The following SGPP1 variants were observed in gnomAD, a reference collection of about 807,000 sequenced individuals.
The protein encoded by SGPP1 is hSPP1.
A neutral mutation model predicts 33.0 loss-of-function variants in SGPP1; 21 were observed. The ratio of observed to expected loss-of-function variants is 0.64; its 90% confidence interval spans 0.45 to 0.92. The LOEUF is 0.92. Among genes scored for constraint, SGPP1 ranks in the 40% least tolerant of loss-of-function variants. The pLI, the probability that SGPP1 is intolerant of heterozygous loss-of-function variation, is 0.00. For missense variants in SGPP1, 543 were observed against 589.4 expected, an observed-to-expected ratio of 0.92 and a Z score of 0.81; for synonymous variants, 239 against 241.2, an observed-to-expected ratio of 0.99 and a Z score of 0.08.
rs774125790 is a variant in SGPP1, at chr14:63,686,434, A to G, written c.997T>C (p.Ser333Pro). The change falls in exon 3 of 3, where the codon TCT becomes CCT. Residue 333 changes from serine to proline, a missense_variant. Physicochemically the swap from Ser to Pro is moderately conservative, Grantham distance 74. Transcript: ENST00000247225. ...LGSGAGIACG[S>P]HVTYNMGLVL... ...AGACCCATGTTATAAGTAACATGAGATCCACATGCAATTCCAGCACCACTT... is the reference window on the plus strand; with the variant it reads ...AGACCCATGTTATAAGTAACATGAGGTCCACATGCAATTCCAGCACCACTT... 1 of 1,614,136 alleles carries G rather than the reference A, an allele frequency of 6.2e-7. No individual in the cohort carries two copies. Among genetic ancestry groups the G allele is most frequent in the Admixed American group, 1.7e-5 (1 of 60,014 alleles).
chr14:63,712,539 G>C (rs1167713431), intron 1 of SGPP1, among the ~76,000 whole-genome samples: 1 of 152,188 alleles, frequency 6.6e-6, no homozygotes, highest in Non-Finnish European at 1.5e-5. Context: ...TTTTCTAAAA[G>C]TAGCTGCAAA....
intron 1 of SGPP1, among the ~76,000 whole-genome samples, chr14:63,720,384 G>C (rs930325139): frequency 6.6e-6 from 1 of 152,084 alleles, no homozygotes; most frequent in South Asian, 2.1e-4. Context: ...GGAGGGAGGG[G>C]AAGGAAGGTC....
Position 63,727,440 on chromosome 14 carries a change from G to C in SGPP1, c.505C>G (p.Leu169Val). 3 of 1,614,090 alleles carry C rather than the reference G, an allele frequency of 1.9e-6. No homozygotes were observed. Among genetic ancestry groups the C allele is most frequent in the African/African-American group, 1.3e-5 (1 of 75,048 alleles). The change falls in exon 1 of 3, where the codon CTG becomes GTG. Residue 169 changes from leucine (L) to valine (V), a missense_variant. Transcript: ENST00000247225. ...VGRRLVVIWVLVMYLGQCTKD... is the reference protein window; with the variant it reads ...VGRRLVVIWVVVMYLGQCTKD... The stretch of plus-strand genomic sequence containing the variant: ...GTGCACTGGCCCAGGTACATGACCA[G>C]CACCCAGATGACCACGAGCCTCCGG...
In SGPP1 at chr14:63,728,041, T is replaced by G; in HGVS notation, c.-97A>C. ...CGGCAGCGGAACCGGCACAGCGCTC[T>G]ACCCTCCGGAGTCTGCCGGGTGACG... On this transcript the variant is annotated 5_prime_UTR_variant, in exon 1 of 3. Coordinates refer to ENST00000247225, the MANE Select transcript of SGPP1 (RefSeq NM_030791.4). 5.6e-6 allele frequency: 7 copies of G among 1,254,216 alleles called. No homozygotes were observed. The highest frequency in any genetic ancestry group is 3.2e-5 in the East Asian group (1 of 31,272). The allele number at this position is 1,254,216 out of a possible 1,614,324, so 77.7% of individuals were successfully genotyped here.
chr14:63,703,399 A>G (rs1026901208), intron 1 of SGPP1, among the ~76,000 whole-genome samples: 2 of 152,132 alleles, frequency 1.3e-5, no homozygotes, highest in Non-Finnish European at 2.9e-5. Flanking sequence ...TCATGCCTAT[A>G]ATCCCAGCAC....
At chr14:63,700,975 G>A (rs1885285521) in intron 1 of SGPP1, among the ~76,000 whole-genome samples, 1 of 151,996 alleles carries the variant, frequency 6.6e-6, no homozygotes, top group Non-Finnish European at 1.5e-5. Context: ...TAATGGATTT[G>A]TAACACAAGA....
intron 1 of SGPP1, among the ~76,000 whole-genome samples, chr14:63,719,173 C>T (rs1432907151): frequency 2.0e-5 from 3 of 150,184 alleles, no homozygotes; most frequent in Non-Finnish European, 4.4e-5. Context: ...ATTACAGGTG[C>T]TTGTCACCAC....
At chr14:63,718,997 T>TATAC (rs1885698649) in intron 1 of SGPP1, among the ~76,000 whole-genome samples, 2 of 22,436 alleles carry the variant, frequency 8.9e-5, no homozygotes, top group Admixed American at 6.9e-4. Flanking sequence ...TATATATATA[T>TATAC]ATATATATAT....
At chr14:63,725,323 G>A (rs549259914) in intron 1 of SGPP1, among the ~76,000 whole-genome samples, 5 of 152,288 alleles carry the variant, frequency 3.3e-5, no homozygotes, top group Admixed American at 2.6e-4. Context: ...GCAGTGAGCC[G>A]AGACTGCACC....
chr14:63,701,392 T>A (rs1020983190), intron 1 of SGPP1, among the ~76,000 whole-genome samples: 1 of 152,140 alleles, frequency 6.6e-6, no homozygotes, highest in Non-Finnish European at 1.5e-5. Context: ...AATAGGGTCA[T>A]GAGTTTCAGA....
At position 63,727,937 on chromosome 14, in the gene SGPP1, A is replaced by T. The variant is rs868217453; in HGVS notation, c.8T>A (p.Leu3Gln). 1 of 1,545,154 alleles carries T rather than the reference A, an allele frequency of 6.5e-7. No individual in the cohort carries two copies. The highest frequency in any genetic ancestry group is 2.5e-5 in the East Asian group (1 of 40,006). Residue 3 changes from leucine to glutamine, a missense_variant, in exon 1 of 3, where the codon CTG (leucine) becomes CAG (glutamine). Physicochemically the swap from Leu to Gln is moderately radical, Grantham distance 113 (BLOSUM62 -2). Transcript: ENST00000247225. MS[L>Q]RQRLAQLVGR... The stretch of plus-strand genomic sequence containing the variant: ...AACCAGCTGGGCCAGGCGCTGCCTC[A>T]GCGACATGATAACGGAACCCCCGGG...
chr14:63,709,795 T>G (rs947155797), intron 1 of SGPP1, among the ~76,000 whole-genome samples: 1 of 152,210 alleles, frequency 6.6e-6, no homozygotes, highest in African/African-American at 2.4e-5. Context: ...TTCATACCAC[T>G]ATCTAATCTT....
At chr14:63,713,616 T>C (rs554014659) in intron 1 of SGPP1, among the ~76,000 whole-genome samples, 22 of 152,258 alleles carry the variant, frequency 1.4e-4, no homozygotes, top group Admixed American at 6.5e-4. Context: ...AAACCCAAAA[T>C]ATTAAAATCC....
intron 2 of SGPP1, among the ~76,000 whole-genome samples, chr14:63,687,353 T>C (rs1293059922): frequency 1.3e-5 from 2 of 152,134 alleles, no homozygotes; most frequent in Admixed American, 1.3e-4. Context: ...GGCATGAGAA[T>C]CGCTTGAACC....
chr14:63,706,651 G>T (rs529551084), intron 1 of SGPP1, among the ~76,000 whole-genome samples: 1 of 152,248 alleles, frequency 6.6e-6, no homozygotes, highest in South Asian at 2.1e-4. Flanking sequence ...ATGAAAACAT[G>T]TGTCAAACGC....
At chr14:63,695,792 T>G (rs1371196158) in intron 2 of SGPP1, among the ~76,000 whole-genome samples, 1 of 152,122 alleles carries the variant, frequency 6.6e-6, no homozygotes, top group African/African-American at 2.4e-5. Flanking sequence ...ATGTTTGTAG[T>G]CCTAGACACC....
chr14:63,689,157 A>G lies in SGPP1; in HGVS notation c.775-2501T>C, dbSNP rs538977810. On this transcript the variant is annotated intron_variant, in intron 2 of 2. Transcript: ENST00000247225. ...CAGTATATATGAAACTATAAAATTC[A>G]TATCTATGAAATCACTTCCCAACAA... 1.1e-4 allele frequency among the ~76,000 whole-genome samples: 17 copies of G among 152,366 alleles called. No individual in the cohort carries two copies. In the South Asian group the frequency reaches 3.3e-3, roughly 30 times the overall value.
At chr14:63,689,180 C>T (rs917132805) in intron 2 of SGPP1, among the ~76,000 whole-genome samples, 1 of 152,146 alleles carries the variant, frequency 6.6e-6, no homozygotes, top group Non-Finnish European at 1.5e-5. Flanking sequence ...CACTTCCCAA[C>T]AAAAGAACTA....
At chr14:63,719,058 G>C (rs116380458) in intron 1 of SGPP1, among the ~76,000 whole-genome samples, 3,580 of 88,988 alleles carry the variant, frequency 0.04, 213 homozygotes, top group African/African-American at 0.15. Flanking sequence ...ATGGAGTTTA[G>C]CTCCTGTCAT....
Sources: gnomAD v4.1 joint callset for allele counts (sites outside exome capture counted in the v4.1 genomes callset) on GRCh38, gnomAD v4.1.1 for gene constraint, MANE v1.5 for transcripts, NCBI Gene and HGNC (gene_info 2026-07-23, HGNC 2026-07-21) for gene names.